MYRIP: variants seen among roughly 807,000 people sequenced by gnomAD.
The protein encoded by MYRIP is myosin VIIA and Rab interacting protein, also known as rab effector MyRIP.
A neutral mutation model predicts 98.0 loss-of-function variants in MYRIP; 49 were observed. That is an observed-to-expected ratio of 0.50 (90% CI 0.40 to 0.63). The LOEUF (loss-of-function observed/expected upper bound fraction) is 0.63. Ranked by LOEUF, MYRIP falls within the 30% of genes least tolerant of loss-of-function variation. MYRIP has a pLI of 0.00. For missense variants in MYRIP, 1,004 were observed against 1,058.2 expected, an observed-to-expected ratio of 0.95 and a Z score of 0.71; for synonymous variants, 404 against 409.5, an observed-to-expected ratio of 0.99 and a Z score of 0.16.
chr3:39,928,629 C>G (rs1334563523), intron 2 of MYRIP, among the ~76,000 whole-genome samples: 1 of 143,450 alleles, frequency 7.0e-6, no homozygotes, highest in South Asian at 2.2e-4. Context: ...AAATTCAACA[C>G]ACATTCCTGA....
chr3:40,137,458 A>C (rs1410674024), intron 3 of MYRIP, among the ~76,000 whole-genome samples: 1 of 152,244 alleles, frequency 6.6e-6, no homozygotes, highest in Non-Finnish European at 1.5e-5. Context: ...CAGAGGTACA[A>C]GGAGGAACTG....
At chr3:39,861,580 A>C (rs1420890142) in intron 1 of MYRIP, among the ~76,000 whole-genome samples, 1 of 152,184 alleles carries the variant, frequency 6.6e-6, no homozygotes, top group Non-Finnish European at 1.5e-5. Context: ...ACCCAATCCA[A>C]GGATGCTATT....
chr3:40,163,083 G>C (rs1471111571), intron 5 of MYRIP: 1 of 317,810 alleles, frequency 3.1e-6, no homozygotes, highest in African/African-American at 2.1e-5. Flanking sequence ...TTCTGGAGTT[G>C]GAACATATCA....
At chr3:39,849,495 A>G (rs1412909242) in intron 1 of MYRIP, among the ~76,000 whole-genome samples, 2 of 152,134 alleles carry the variant, frequency 1.3e-5, no homozygotes, top group Non-Finnish European at 2.9e-5. Context: ...ACCTGGGGAG[A>G]CAGAGGTCCA....
chr3:40,186,784 T>A (rs1054257401), intron 9 of MYRIP, among the ~76,000 whole-genome samples: 1 of 152,188 alleles, frequency 6.6e-6, no homozygotes, highest in Admixed American at 6.5e-5. Context: ...AAAATCAATA[T>A]AACTACTTAC....
At chr3:39,979,606 C>T (rs74391437) in intron 2 of MYRIP, among the ~76,000 whole-genome samples, 6,108 of 150,826 alleles carry the variant, frequency 0.04, 188 homozygotes, top group East Asian at 0.17. Flanking sequence ...CCATTGCACT[C>T]CAGCCTGGGC....
chr3:39,966,925 C>T (rs950328399), intron 2 of MYRIP, among the ~76,000 whole-genome samples: 4 of 152,122 alleles, frequency 2.6e-5, no homozygotes, highest in African/African-American at 9.7e-5. Context: ...GGAGAGTGGA[C>T]CCAGAAGGGC....
At chr3:39,933,841 A>T (rs1944596897) in intron 2 of MYRIP, among the ~76,000 whole-genome samples, 1 of 152,228 alleles carries the variant, frequency 6.6e-6, no homozygotes, top group South Asian at 2.1e-4. Flanking sequence ...TTATAGATAA[A>T]GAAACTGAGG....
At chr3:39,814,832 A>C (rs1203513541) in intron 1 of MYRIP, among the ~76,000 whole-genome samples, 1 of 152,180 alleles carries the variant, frequency 6.6e-6, no homozygotes, top group Non-Finnish European at 1.5e-5. Flanking sequence ...ATTGAATCTA[A>C]AGGTTAATTA....
intron 3 of MYRIP, among the ~76,000 whole-genome samples, chr3:40,056,451 CA>C (rs1947886891): frequency 6.6e-6 from 1 of 152,174 alleles, no homozygotes; most frequent in Admixed American, 6.6e-5. Flanking sequence ...AGTCTCTTCT[CA>C]GAGTCTTTCC....
intron 2 of MYRIP, among the ~76,000 whole-genome samples, chr3:40,014,155 A>G (rs1435231912): frequency 6.6e-6 from 1 of 152,186 alleles, no homozygotes; most frequent in Non-Finnish European, 1.5e-5. Context: ...TTCTTATTTA[A>G]TTAAATGTGT....
intron 2 of MYRIP, among the ~76,000 whole-genome samples, chr3:39,944,307 A>G (rs1437286683): frequency 6.6e-6 from 1 of 152,196 alleles, no homozygotes; most frequent in Non-Finnish European, 1.5e-5. Flanking sequence ...ATATACACCA[A>G]TACAATATTA....
At chr3:39,850,732 T>A (rs1007981192) in intron 1 of MYRIP, among the ~76,000 whole-genome samples, 2 of 152,202 alleles carry the variant, frequency 1.3e-5, no homozygotes, top group African/African-American at 4.8e-5. Context: ...CTAGTATAAT[T>A]ATGTGGTCTA....
In MYRIP at chr3:40,189,974, G is replaced by A. The variant is rs1289678740; in HGVS notation, c.1176G>A (p.Glu392=). 1 of 1,614,150 alleles carries A rather than the reference G, an allele frequency of 6.2e-7. No individual in the cohort carries two copies. Among genetic ancestry groups the A allele is most frequent in the Admixed American group, 1.7e-5 (1 of 60,014 alleles). The change falls in exon 10 of 17, where the codon GAG becomes GAA. Residue 392 remains glutamate, a synonymous_variant. Coordinates refer to ENST00000302541, the MANE Select transcript of MYRIP (RefSeq NM_015460.4). The stretch of plus-strand genomic sequence containing the variant: ...CCAGTGTGGCATCTGCCTACGATGA[G>A]ATGGGCTCCGATAGCGAGGAAGACT... ...VASSVASAYD[E]MGSDSEEDFD...
intron 13 of MYRIP, among the ~76,000 whole-genome samples, chr3:40,245,055 G>C (rs956538487): frequency 1.3e-5 from 2 of 152,170 alleles, no homozygotes; most frequent in African/African-American, 4.8e-5. Context: ...CCAGTGCCTA[G>C]CACAATACCT....
intron 1 of MYRIP, among the ~76,000 whole-genome samples, chr3:39,831,761 AAAATT>A (rs1226566265): frequency 6.6e-6 from 1 of 152,212 alleles, no homozygotes; most frequent in Non-Finnish European, 1.5e-5. Context: ...CTAATTAATT[AAAATT>A]AAATTCAATT....
At chr3:39,833,215 T>G (rs543016340) in intron 1 of MYRIP, among the ~76,000 whole-genome samples, 1 of 152,202 alleles carries the variant, frequency 6.6e-6, no homozygotes, top group Non-Finnish European at 1.5e-5. Context: ...ATGTTAGCAG[T>G]GGTTGTATTT....
chr3:39,962,856 A>G (rs1372856836), intron 2 of MYRIP, among the ~76,000 whole-genome samples: 1 of 152,170 alleles, frequency 6.6e-6, no homozygotes, highest in Non-Finnish European at 1.5e-5. Context: ...TTTGGAAGCC[A>G]AGATTCACTT....
intron 2 of MYRIP, among the ~76,000 whole-genome samples, chr3:39,991,406 G>T (rs1030309123): frequency 5.3e-5 from 8 of 152,182 alleles, no homozygotes; most frequent in African/African-American, 1.9e-4. Flanking sequence ...TCCTGCCTTG[G>T]CTGTGACTTC....
Sources: gnomAD v4.1 joint callset for allele counts (sites outside exome capture counted in the v4.1 genomes callset) on GRCh38, gnomAD v4.1.1 for gene constraint, MANE v1.5 for transcripts, NCBI Gene and HGNC (gene_info 2026-07-23, HGNC 2026-07-21) for gene names.